The following NAA60 variants were observed in gnomAD, a reference collection of about 807,000 sequenced individuals.
NAA60 encodes N-alpha-acetyltransferase 60, NatF catalytic subunit.
NAA60 carries 8 observed loss-of-function variants against 26.1 expected under a neutral mutation model. The ratio of observed to expected loss-of-function variants is 0.31; its 90% CI spans 0.18 to 0.55. The LOEUF (loss-of-function observed/expected upper bound fraction) is 0.55. Among genes scored for constraint, NAA60 ranks in the 20% least tolerant of loss-of-function variants. The pLI is 0.93. For missense variants in NAA60, 290 were observed against 311.3 expected (o/e 0.93, Z 0.51); for synonymous variants, 131 against 122.5 (o/e 1.07, Z -0.46).
chr16:3,461,565 A>G (rs1168144278), intron 2 of NAA60, among the ~76,000 whole-genome samples: 1 of 152,192 alleles, frequency 6.6e-6, no homozygotes, highest in South Asian at 2.1e-4. Context: ...TGTCTCTTCA[A>G]GTTAGGAGTG....
At position 3,469,987 on chromosome 16, in the gene NAA60, G is replaced by A. The variant is rs185470364; in HGVS notation, c.-6-6235G>A. ...GTCGCCACCAGATGCTCCTCTGTGC[G>A]CCGGGCCTGCTGGGGCTGCCCTGGG... is the stretch of plus-strand genomic sequence containing the variant. On this transcript the variant is annotated intron_variant, in intron 2 of 7. Coordinates refer to ENST00000407558, the MANE Select transcript of NAA60 (RefSeq NM_001083601.3). Among the ~76,000 whole-genome samples, 29 of 152,316 alleles carry A rather than the reference G, an allele frequency of 1.9e-4. No individual in the cohort carries two copies. The East Asian group carries it at 5.6e-3, about 29-fold the overall frequency.
intron 2 of NAA60, among the ~76,000 whole-genome samples, chr16:3,451,088 T>C (rs1026142865): frequency 5.3e-5 from 8 of 152,242 alleles, no homozygotes; most frequent in African/African-American, 1.9e-4. Context: ...CAAACACCTC[T>C]GTTGCAGTGC....
rs1012467395 is a variant in NAA60 at position 3,484,860 on chromosome 16, G to T, written c.*5G>T. 6.4e-7 allele frequency: 1 copy of T among 1,555,466 alleles called. No individual in the cohort carries two copies. Among genetic ancestry groups the T allele is most frequent in the South Asian group, 1.2e-5 (1 of 84,440 alleles). Reference sequence around the variant, plus strand: ...GAGTACAGCCGGACCATGTGATGTCGGCTGGGCAGCCGCCACCAGGCCCCA... The same window carrying T: ...GAGTACAGCCGGACCATGTGATGTCTGCTGGGCAGCCGCCACCAGGCCCCA... On this transcript the variant is annotated 3_prime_UTR_variant, in exon 7 of 8. Transcript: ENST00000407558.
rs887170857 is a variant in NAA60, at chr16:3,443,705, C to T, written c.-209C>T. On this transcript the variant is annotated 5_prime_UTR_variant, in exon 1 of 8. Coordinates refer to ENST00000407558, the MANE Select transcript of NAA60 (RefSeq NM_001083601.3). ...CCGCTTCCGCTGGCGGGGTCTCCTC[C>T]GTGAGCTCCGGGCCTGTTTGCCTGC... The T allele has an allele frequency of 1.4e-5, 20 of 1,435,806 alleles. No individual in the cohort carries two copies. Among genetic ancestry groups the T allele is most frequent in the East Asian group, 5.4e-5 (2 of 37,210 alleles). The allele number at this position is 1,435,806 out of a possible 1,614,324, so 88.9% of individuals were successfully genotyped here.
intron 2 of NAA60, among the ~76,000 whole-genome samples, chr16:3,462,103 A>AAAAAAAAAAC: frequency 6.6e-6 from 1 of 151,730 alleles, no homozygotes; most frequent in African/African-American, 2.4e-5. Flanking sequence ...AAAAAAAAAA[A>AAAAAAAAAAC]AACCTTTCAG....
chr16:3,474,177 G>C (rs550114183), intron 2 of NAA60, among the ~76,000 whole-genome samples: 2 of 152,346 alleles, frequency 1.3e-5, no homozygotes, highest in South Asian at 4.1e-4. Flanking sequence ...CACACCTGAC[G>C]TTGAACCAGG....
Position 3,445,274 on chromosome 16 carries a change from C to CTT in NAA60, c.-77+1438_-77+1439insTT, listed in dbSNP as rs1452284919. The stretch of plus-strand genomic sequence containing the variant: ...CTTTCCCTTCTTGGTTTGTGCTTAT[C>CTT]TCTTTTTTTTTTTTTTTTTTGAGAC... On this transcript the variant is annotated intron_variant, in intron 1 of 7. Coordinates refer to ENST00000407558, the MANE Select transcript of NAA60 (RefSeq NM_001083601.3). Among the ~76,000 whole-genome samples, 95 of 125,534 alleles carry CTT rather than the reference C, an allele frequency of 7.6e-4. 6 individuals carry two copies. Among genetic ancestry groups the CTT allele is most frequent in the Admixed American group, 1.3e-3 (16 of 12,690 alleles). 82.4% of individuals were successfully genotyped at this position (125,534 alleles called of 152,430 possible). A position where few individuals can be genotyped will look rare whatever the true frequency, so the allele number is the denominator to read the frequency against.
At position 3,469,749 on chromosome 16, in the gene NAA60, G is replaced by C. The variant is rs542940295; in HGVS notation, c.-6-6473G>C. On this transcript the variant is annotated intron_variant, in intron 2 of 7. Coordinates refer to ENST00000407558, the MANE Select transcript of NAA60 (RefSeq NM_001083601.3). Reference sequence around the variant, plus strand: ...CCCTGTGTCCTCCGGGTGGCCTGCAGGGCAATGGAAGATGAGTACTTAGTA... The same window carrying C: ...CCCTGTGTCCTCCGGGTGGCCTGCACGGCAATGGAAGATGAGTACTTAGTA... Among the ~76,000 whole-genome samples, 3 of 152,366 alleles carry C rather than the reference G, an allele frequency of 2.0e-5. No homozygotes were observed. In the East Asian group the frequency reaches 5.8e-4, roughly 29 times the overall value.
At chr16:3,448,373 C>G (rs2034640876) in intron 1 of NAA60, 98 bp from the exon 2 acceptor site, 8 of 936,718 alleles carry the variant, frequency 8.5e-6, no homozygotes, top group Non-Finnish European at 1.2e-5. Context: ...GATTGATACT[C>G]TGAGATCCAG....
chr16:3,470,136 C>A (rs2036033571), intron 2 of NAA60, among the ~76,000 whole-genome samples: 1 of 152,246 alleles, frequency 6.6e-6, no homozygotes, highest in South Asian at 2.1e-4. Context: ...TGAGCCCACA[C>A]ATACTCCAGG....
At chr16:3,459,035 A>T (rs1265406061) in intron 2 of NAA60, among the ~76,000 whole-genome samples, 2 of 151,866 alleles carry the variant, frequency 1.3e-5, no homozygotes, top group African/African-American at 2.4e-5. Context: ...GTTTGTTTTC[A>T]CTCTGCCAAG....
chr16:3,471,624 G>A (rs1037993440), intron 2 of NAA60, among the ~76,000 whole-genome samples: 6 of 152,184 alleles, frequency 3.9e-5, no homozygotes, highest in Admixed American at 3.9e-4. Context: ...CAGCTCTCAG[G>A]TGGTTCTCCC....
chr16:3,452,520 G>A (rs1390965611), intron 2 of NAA60, among the ~76,000 whole-genome samples: 1 of 151,684 alleles, frequency 6.6e-6, no homozygotes, highest in Non-Finnish European at 1.5e-5. Context: ...ACCGGGCATG[G>A]TGGCAGGTGC....
At chr16:3,465,362 C>T (rs924596750) in intron 2 of NAA60, among the ~76,000 whole-genome samples, 3 of 151,186 alleles carry the variant, frequency 2.0e-5, no homozygotes, top group Admixed American at 6.6e-5. Context: ...TTCTGGTCCC[C>T]GGTTTAGCGT....
chr16:3,445,160 T>G (rs1346324328), intron 1 of NAA60, among the ~76,000 whole-genome samples: 2 of 152,054 alleles, frequency 1.3e-5, no homozygotes, highest in South Asian at 4.1e-4. Context: ...CCAAAGCATA[T>G]ATGTTGAAGA....
intron 2 of NAA60, among the ~76,000 whole-genome samples, chr16:3,457,184 G>A (rs998780812): frequency 5.9e-5 from 9 of 152,148 alleles, no homozygotes; most frequent in African/African-American, 2.2e-4. Flanking sequence ...GGTGGCTCAC[G>A]TCAGTAATCC....
At chr16:3,443,871 A>G in intron 1 of NAA60, 34 bp downstream of exon 1, 2 of 1,523,834 alleles carry the variant, frequency 1.3e-6, no homozygotes, top group Non-Finnish European at 1.8e-6. Flanking sequence ...GTAGGCCTGA[A>G]ATTTCGGTCT....
At chr16:3,444,320 C>T (rs1313261880) in intron 1 of NAA60, among the ~76,000 whole-genome samples, 1 of 152,064 alleles carries the variant, frequency 6.6e-6, no homozygotes, top group Non-Finnish European at 1.5e-5. Context: ...TAATCTTGGC[C>T]AGTTTACAAC....
chr16:3,460,313 GAAGGAATCCAC>G lies in NAA60; in HGVS notation c.-7+11774_-7+11784del, dbSNP rs565157725. On this transcript the variant is annotated intron_variant, in intron 2 of 7. Coordinates refer to ENST00000407558, the MANE Select transcript of NAA60 (RefSeq NM_001083601.3). ...TATCTCCCCTATCCATCTCTTTTTGGAAGGAATCCACGAAGCCCTCATGACTGTTTGTTTGT... is the reference window on the plus strand; with the variant it reads ...TATCTCCCCTATCCATCTCTTTTTGGGAAGCCCTCATGACTGTTTGTTTGT... 2.9e-3 allele frequency among the ~76,000 whole-genome samples: 438 copies of G among 152,262 alleles called. 4 individuals are homozygous for G. Among genetic ancestry groups the G allele is most frequent in the African/African-American group, 0.01 (416 of 41,550 alleles).
Sources: gnomAD v4.1 joint callset for allele counts (sites outside exome capture counted in the v4.1 genomes callset) on GRCh38, gnomAD v4.1.1 for gene constraint, MANE v1.5 for transcripts, NCBI Gene and HGNC (gene_info 2026-07-23, HGNC 2026-07-21) for gene names.